The following MYH10 variants were observed in gnomAD, a reference collection of about 807,000 sequenced individuals.
MYH10 encodes the protein myosin heavy chain 10, also known as myosin-10.
In MYH10, 55 loss-of-function variants were observed where a neutral mutation model predicts 257.8. The ratio of observed to expected loss-of-function variants is 0.21; its 90% CI spans 0.17 to 0.27. The LOEUF (loss-of-function observed/expected upper bound fraction) is 0.27. Ranked by LOEUF, MYH10 falls within the 10% of genes least tolerant of loss-of-function variation. MYH10 has a pLI of 1.00. For missense variants in MYH10, 1,631 were observed against 2,500.6 expected (o/e 0.65, Z 7.42); for synonymous variants, 854 against 921.7 (o/e 0.93, Z 1.33).
At chr17:8,502,880 G>C (rs1260556172) in intron 28 of MYH10, among the ~76,000 whole-genome samples, 1 of 152,174 alleles carries the variant, frequency 6.6e-6, no homozygotes, top group African/African-American at 2.4e-5. Context: ...AGCCCAGCTG[G>C]GAGTGGAGAG....
chr17:8,571,197 C>G (rs1411235093), intron 6 of MYH10, among the ~76,000 whole-genome samples: 64 of 116,228 alleles, frequency 5.5e-4, no homozygotes, highest in African/African-American at 2.0e-3. Context: ...TTTTTTGAGA[C>G]GGAGACTCAC....
chr17:8,476,803 A>G, intron 42 of MYH10, 73 bp downstream of exon 42: 3 of 1,500,912 alleles, frequency 2.0e-6, no homozygotes, highest in Non-Finnish European at 2.7e-6. Context: ...ACTTCCTCTG[A>G]CCAGCTGCAC....
At chr17:8,605,573 G>A (rs758320100) in intron 2 of MYH10, among the ~76,000 whole-genome samples, 2 of 152,132 alleles carry the variant, frequency 1.3e-5, no homozygotes, top group African/African-American at 4.8e-5. Flanking sequence ...GTGAAACCCT[G>A]TCTCTACTAA....
At chr17:8,520,687 C>T (rs1206528034) in intron 19 of MYH10, among the ~76,000 whole-genome samples, 191 bp downstream of exon 19, 5 of 152,120 alleles carry the variant, frequency 3.3e-5, no homozygotes, top group Non-Finnish European at 7.3e-5. Context: ...ATAAAGTAGG[C>T]ACTCAATCTT....
intron 7 of MYH10, among the ~76,000 whole-genome samples, chr17:8,567,824 T>C (rs1234128757): frequency 1.3e-5 from 2 of 152,188 alleles, no homozygotes; most frequent in Admixed American, 1.3e-4. Flanking sequence ...ACTGAGATAA[T>C]ATGCAAAAAC....
At chr17:8,536,053 G>T in intron 14 of MYH10, 122 bp from the exon 15 acceptor site, 2 of 893,646 alleles carry the variant, frequency 2.2e-6, no homozygotes, top group Non-Finnish European at 3.4e-6. Flanking sequence ...AAATTGCTAG[G>T]ATGGAAAGGA....
intron 2 of MYH10, among the ~76,000 whole-genome samples, chr17:8,611,150 A>G (rs1039666856): frequency 1.3e-5 from 2 of 152,192 alleles, no homozygotes; most frequent in Non-Finnish European, 2.9e-5. Context: ...TAAATACCCC[A>G]AGCTTTCAGC....
intron 4 of MYH10, among the ~76,000 whole-genome samples, chr17:8,581,525 T>C (rs1230327973): frequency 5.3e-5 from 8 of 152,190 alleles, no homozygotes; most frequent in Non-Finnish European, 1.2e-4. Context: ...ACTTCAACAA[T>C]TGCTTATGAG....
intron 5 of MYH10, 64 bp downstream of exon 5, chr17:8,577,172 T>C: frequency 7.4e-7 from 1 of 1,358,650 alleles, no homozygotes; most frequent in South Asian, 1.3e-5. Flanking sequence ...CTGGCTTCCT[T>C]ATTTTTGTTT....
At chr17:8,523,662 TG>T (rs950275461) in intron 17 of MYH10, among the ~76,000 whole-genome samples, 11 of 151,218 alleles carry the variant, frequency 7.3e-5, no homozygotes, top group African/African-American at 2.4e-4. Flanking sequence ...GAGGGAGAAG[TG>T]GAAGTGGGGA....
chr17:8,581,514 T>C (rs62062495), intron 4 of MYH10, among the ~76,000 whole-genome samples: 3,255 of 152,310 alleles, frequency 0.021, 44 homozygotes, highest in Non-Finnish European at 0.035. Flanking sequence ...TAGGCAGCCA[T>C]ACTTCAACAA....
chr17:8,570,743 G>A (rs564856261), intron 6 of MYH10, among the ~76,000 whole-genome samples: 2 of 152,236 alleles, frequency 1.3e-5, no homozygotes, highest in East Asian at 3.9e-4. Flanking sequence ...TGAATATAAA[G>A]AACCTCACAT....
intron 7 of MYH10, among the ~76,000 whole-genome samples, chr17:8,568,903 A>C (rs1015224611): frequency 6.6e-6 from 1 of 151,754 alleles, no homozygotes; most frequent in Admixed American, 6.5e-5. Flanking sequence ...TAAAGCTTTC[A>C]AGTTGAATAG....
At chr17:8,582,996 A>G (rs2083766445) in intron 4 of MYH10, among the ~76,000 whole-genome samples, 1 of 152,198 alleles carries the variant, frequency 6.6e-6, no homozygotes, top group South Asian at 2.1e-4. Context: ...CTATGCAAAC[A>G]TATAACATTA....
chr17:8,511,042 ATATATATATATATATAT>A lies in MYH10; in HGVS notation c.2953-1110_2953-1094del, dbSNP rs1161285055. On this transcript the variant is annotated intron_variant, in intron 24 of 42. Coordinates refer to ENST00000360416, the MANE Select transcript of MYH10 (RefSeq NM_001256012.3). Reference sequence around the variant, plus strand: ...TATATATATATATATATATATATATATATATATATATATATATACACACATACATACATACACACACA... The same window carrying A: ...TATATATATATATATATATATATATAACACACATACATACATACACACACA... The A allele has an allele frequency of 8.6e-4, 7 of 8,182 alleles. 1 individual carries two copies. Among genetic ancestry groups the A allele is most frequent in the African/African-American group, 1.2e-3 (7 of 5,706 alleles). 0.5% of individuals were successfully genotyped at this position (8,182 alleles called of 1,614,324 possible).
At chr17:8,577,099 G>A (rs2152019889) in intron 5 of MYH10, 137 bp downstream of exon 5, 2 of 596,380 alleles carry the variant, frequency 3.4e-6, no homozygotes. Context: ...AGCATTGCTG[G>A]GTAGGTGGCG....
chr17:8,490,428 T>C lies in MYH10; in HGVS notation c.4796A>G (p.Asn1599Ser), dbSNP rs1400523426. ...TEDAKLRLEV[N>S]MQAMKAQFER... is the part of the protein sequence containing the mutation. ...GAACTGCGCCTTCATGGCCTGCATGTTGACCTCCAGACGAAGCTTGGCATC... is the reference window on the plus strand; with the variant it reads ...GAACTGCGCCTTCATGGCCTGCATGCTGACCTCCAGACGAAGCTTGGCATC... The change falls in exon 35 of 43, where the codon AAC (asparagine) becomes AGC (serine). Residue 1599 changes from asparagine (N) to serine (S), a missense_variant. This residue lies in a region of MYH10 where 463 missense variants were observed against 621.8 expected (regional missense o/e 0.74). Coordinates refer to ENST00000360416, the MANE Select transcript of MYH10 (RefSeq NM_001256012.3). This position sits in a 1 kb window ranked among gnomAD's most constrained non-coding sequence, Gnocchi z 4.1. 2.5e-6 allele frequency: 4 copies of C among 1,614,238 alleles called. No individual in the cohort carries two copies. The highest frequency in any genetic ancestry group is 3.4e-6 in the Non-Finnish European group (4 of 1,180,038).
rs1190047438 is a variant in MYH10 at position 8,521,353 on chromosome 17, C to T, written c.1958-68G>A. On this transcript the variant is annotated intron_variant, in intron 17 of 42. Transcript: ENST00000360416. Reference sequence around the variant, plus strand: ...CTCGTTAGCAGGGAAAGAAAAGACACAGTGAAAGTGCAGCAGCACAAGCTT... The same window carrying T: ...CTCGTTAGCAGGGAAAGAAAAGACATAGTGAAAGTGCAGCAGCACAAGCTT... The T allele has an allele frequency of 1.0e-5, 15 of 1,499,920 alleles. No individual in the cohort carries two copies. In the Admixed American group the frequency reaches 2.4e-4, roughly 24 times the overall value. 92.9% of individuals were successfully genotyped at this position (1,499,920 alleles called of 1,614,324 possible).
In MYH10 at chr17:8,475,567, T is replaced by TG. The variant is rs1912415688; in HGVS notation, c.*236dup. On this transcript the variant is annotated 3_prime_UTR_variant, in exon 43 of 43. Transcript: ENST00000360416. ...TCTTGATGACTATATGGAAAATAGA[T>TG]GCAATGATGAAACAATCTGTTTAAT... 4 of 466,042 alleles carry TG rather than the reference T, an allele frequency of 8.6e-6. No homozygotes were observed. Among genetic ancestry groups the TG allele is most frequent in the Non-Finnish European group, 1.5e-5 (4 of 264,620 alleles). 28.9% of individuals were successfully genotyped at this position (466,042 alleles called of 1,614,324 possible).
Sources: gnomAD v4.1 joint callset for allele counts (sites outside exome capture counted in the v4.1 genomes callset) on GRCh38, gnomAD v4.1.1 for gene constraint, gnomAD v4.1.1 regional missense constraint, Gnocchi (gnomAD v3.1) non-coding constraint, MANE v1.5 for transcripts, NCBI Gene and HGNC (gene_info 2026-07-23, HGNC 2026-07-21) for gene names.